The following LARP1B variants were observed in gnomAD, a reference collection of about 807,000 sequenced individuals.
The protein encoded by LARP1B is la-related protein 1B.
A neutral mutation model predicts 114.2 loss-of-function variants in LARP1B; 76 were observed. That is an observed-to-expected ratio of 0.67 (90% CI 0.55 to 0.81). The LOEUF (loss-of-function observed/expected upper bound fraction) is 0.81. Among genes scored for constraint, LARP1B ranks in the 30% least tolerant of loss-of-function variants. The probability of loss-of-function intolerance (pLI) is 0.00; values close to 1 mark genes in which losing one functional copy is unlikely to be tolerated. For missense variants in LARP1B, 1,014 were observed against 1,075.8 expected (o/e 0.94, Z 0.80); for synonymous variants, 345 against 348.0 (o/e 0.99, Z 0.10).
chr4:128,141,077 G>C (rs777585423), intron 11 of LARP1B, among the ~76,000 whole-genome samples: 1 of 152,026 alleles, frequency 6.6e-6, no homozygotes, highest in Non-Finnish European at 1.5e-5. Flanking sequence ...GCCTCCCAAA[G>C]TGCTGGGATT....
chr4:128,216,975 CACAGAAAT>C (rs1381668046), downstream of LARP1B, among the ~76,000 whole-genome samples: 1 of 151,096 alleles, frequency 6.6e-6, no homozygotes, highest in East Asian at 1.9e-4. Flanking sequence ...CCACCGATCC[CACAGAAAT>C]ACAAACTACC....
chr4:128,154,214 A>G (rs1413261856), intron 11 of LARP1B, among the ~76,000 whole-genome samples: 4 of 152,008 alleles, frequency 2.6e-5, no homozygotes, highest in African/African-American at 9.7e-5. Flanking sequence ...CTTTACCCCT[A>G]TCTTTGGTGT....
intron 10 of LARP1B, among the ~76,000 whole-genome samples, chr4:128,118,680 G>A (rs1299223348): frequency 6.6e-6 from 1 of 151,812 alleles, no homozygotes; most frequent in East Asian, 1.9e-4. Flanking sequence ...ACTGGGCCTT[G>A]GGTGTTTAAA....
chr4:128,108,444 A>G (rs1222471152), intron 9 of LARP1B: 1 of 985,546 alleles, frequency 1.0e-6, no homozygotes, highest in African/African-American at 1.7e-5. Context: ...GAATTTAAGA[A>G]CTGGATGAGG....
intron 5 of LARP1B, among the ~76,000 whole-genome samples, chr4:128,083,829 G>T (rs1307195989): frequency 1.1e-4 from 17 of 151,852 alleles, no homozygotes; most frequent in Middle Eastern, 3.4e-3. Context: ...CCCGGACGGG[G>T]CGGCTGCCGG....
chr4:128,115,508 C>T (rs182618600), intron 10 of LARP1B, among the ~76,000 whole-genome samples: 5 of 152,232 alleles, frequency 3.3e-5, no homozygotes, highest in Admixed American at 6.5e-5. Context: ...GAGGTCAAGA[C>T]TGCAGTGAGC....
rs1782448715 is a variant in LARP1B at position 128,107,330 on chromosome 4, T to C, written c.988+17T>C. ...CACATACAGGTAACATCTTTTCTTC[T>C]AGAGCAAACGATGTAACAGTGGGTT... On this transcript the variant is annotated intron_variant, in intron 9 of 19. Transcript: ENST00000326639. The C allele has an allele frequency of 6.2e-7, 1 of 1,613,202 alleles. No homozygotes were observed. The highest frequency in any genetic ancestry group is 1.1e-5 in the South Asian group (1 of 90,980).
intron 12 of LARP1B, among the ~76,000 whole-genome samples, chr4:128,166,257 A>C (rs1740768187): frequency 6.6e-6 from 1 of 151,912 alleles, no homozygotes; most frequent in African/African-American, 2.4e-5. Context: ...TTTGTTTTTT[A>C]AATTCCGTAT....
intron 19 of LARP1B, among the ~76,000 whole-genome samples, chr4:128,207,746 A>G (rs1237455733): frequency 1.3e-5 from 2 of 152,206 alleles, no homozygotes; most frequent in African/African-American, 4.8e-5. Context: ...TTCCTGTAAC[A>G]TGTGCTGATA....
chr4:128,156,403 G>T (rs531429291), intron 11 of LARP1B, among the ~76,000 whole-genome samples: 2 of 152,228 alleles, frequency 1.3e-5, no homozygotes, highest in East Asian at 1.9e-4. Context: ...TTTCTCTAGA[G>T]CTGGCCTCTC....
intron 11 of LARP1B, among the ~76,000 whole-genome samples, chr4:128,129,120 G>A (rs1421271300): frequency 1.5e-5 from 2 of 131,662 alleles, no homozygotes; most frequent in African/African-American, 5.8e-5. Context: ...AGCCAAGATC[G>A]CGCCACTGCT....
At position 128,211,531 on chromosome 4, in the gene LARP1B, A is replaced by G; in HGVS notation, c.*1478A>G. ...TTTTGATGCTTTAAATTGCAGAAAT[A>G]GTCAAATTTGAATATTCAGAAAATA... On this transcript the variant is annotated 3_prime_UTR_variant, in exon 20 of 20. Coordinates refer to ENST00000326639, the MANE Select transcript of LARP1B (RefSeq NM_018078.4). The G allele has an allele frequency of 2.2e-6, 2 of 914,492 alleles. No individual in the cohort carries two copies. Among genetic ancestry groups the G allele is most frequent in the Non-Finnish European group, 2.6e-6 (2 of 765,432 alleles). The allele number at this position is 914,492 out of a possible 1,614,324, so 56.6% of individuals were successfully genotyped here.
intron 11 of LARP1B, among the ~76,000 whole-genome samples, chr4:128,124,483 T>C (rs1788949999): frequency 6.6e-6 from 1 of 152,216 alleles, no homozygotes; most frequent in African/African-American, 2.4e-5. Context: ...GCCTACGGTA[T>C]TATATAAAAT....
chr4:128,199,457 T>A lies in LARP1B; in HGVS notation c.2022T>A (p.Pro674=). ...CAAACAGCACTTCAAATGCTTCACC[T>A]TCAGAAGGCGCACCACTAGCAGGAA... ...TSSVSTSNAS[P]SEGAPLAGSY... is the part of the protein sequence containing the mutation. The change falls in exon 16 of 20, where the codon CCT becomes CCA. Residue 674 remains proline (P), a synonymous_variant. Transcript: ENST00000326639. The A allele has an allele frequency of 6.5e-7, 1 of 1,547,034 alleles. No homozygotes were observed. The highest frequency in any genetic ancestry group is 8.7e-7 in the Non-Finnish European group (1 of 1,144,298).
chr4:128,181,180 C>CTTTTTTT (rs70966086), intron 15 of LARP1B, among the ~76,000 whole-genome samples: 5 of 130,002 alleles, frequency 3.8e-5, no homozygotes, highest in Non-Finnish European at 6.7e-5. Flanking sequence ...CTCATCCATT[C>CTTTTTTT]TTTTTTTTTT....
intron 11 of LARP1B, among the ~76,000 whole-genome samples, chr4:128,128,588 A>G (rs931776079): frequency 6.6e-6 from 1 of 152,206 alleles, no homozygotes; most frequent in Non-Finnish European, 1.5e-5. Flanking sequence ...TGAAAGTAAA[A>G]AACAGAATGG....
At chr4:128,165,185 C>T (rs1324653002) in intron 12 of LARP1B, among the ~76,000 whole-genome samples, 1 of 151,718 alleles carries the variant, frequency 6.6e-6, no homozygotes, top group Non-Finnish European at 1.5e-5. Context: ...GGAAGGTCTG[C>T]ACATGTGTTT....
chr4:128,091,768 T>G (rs1185573323), intron 7 of LARP1B, among the ~76,000 whole-genome samples: 1 of 152,070 alleles, frequency 6.6e-6, no homozygotes, highest in Non-Finnish European at 1.5e-5. Context: ...GGCTAATTTT[T>G]GTAGTTCTGG....
At position 128,065,253 on chromosome 4, in the gene LARP1B, ATTTCTTTCTTTCTTTC is replaced by A. The variant is rs199707342; in HGVS notation, c.-78+3902_-78+3917del. ...ACTCTGCACTGTTCTCCCACAATTA[ATTTCTTTCTTTCTTTC>A]TTTCTTTCTTTCTTTCTTTCTTTCT... is the stretch of plus-strand genomic sequence containing the variant. On this transcript the variant is annotated intron_variant, in intron 1 of 19. Transcript: ENST00000326639. Among the ~76,000 whole-genome samples, 481 of 89,568 alleles carry A rather than the reference ATTTCTTTCTTTCTTTC, an allele frequency of 5.4e-3. 7 individuals are homozygous for A. Among genetic ancestry groups the A allele is most frequent in the East Asian group, 0.044 (131 of 2,946 alleles). The allele number at this position is 89,568 out of a possible 152,430, so 58.8% of individuals were successfully genotyped here. A position where few individuals can be genotyped will look rare whatever the true frequency, so the allele number is the denominator to read the frequency against.
Sources: gnomAD v4.1 joint callset for allele counts (sites outside exome capture counted in the v4.1 genomes callset) on GRCh38, gnomAD v4.1.1 for gene constraint, MANE v1.5 for transcripts, NCBI Gene and HGNC (gene_info 2026-07-23, HGNC 2026-07-21) for gene names.